PIK3AP1: variants seen among roughly 807,000 people sequenced by gnomAD.
PIK3AP1 encodes phosphoinositide 3-kinase adapter protein 1.
PIK3AP1 carries 21 observed loss-of-function variants against 88.1 expected under a neutral mutation model. The observed-to-expected ratio is 0.24, with a 90% CI of 0.17 to 0.34. PIK3AP1 has a LOEUF of 0.34. Ranked by LOEUF, PIK3AP1 falls within the 10% of genes least tolerant of loss-of-function variation. The pLI is 1.00. For missense variants in PIK3AP1, 828 were observed against 1,035.7 expected, an observed-to-expected ratio of 0.80 and a Z score of 2.75; for synonymous variants, 398 against 400.0, an observed-to-expected ratio of 1.00 and a Z score of 0.06.
At chr10:96,648,603 G>T in intron 7 of PIK3AP1, 56 bp downstream of exon 7, 2 of 1,520,388 alleles carry the variant, frequency 1.3e-6, no homozygotes, top group African/African-American at 1.4e-5. Context: ...TGAAAGGGCA[G>T]CCATACTACC....
At chr10:96,668,849 G>C (rs564836657) in intron 2 of PIK3AP1, among the ~76,000 whole-genome samples, 6 of 152,262 alleles carry the variant, frequency 3.9e-5, no homozygotes, top group African/African-American at 1.4e-4. Flanking sequence ...ACCACACGGG[G>C]CCAGGCGCAG....
intron 2 of PIK3AP1, among the ~76,000 whole-genome samples, chr10:96,662,513 G>T (rs1472628134): frequency 6.6e-6 from 1 of 151,784 alleles, no homozygotes; most frequent in African/African-American, 2.4e-5. Context: ...TGAGGCAGGA[G>T]AATTGCTTGA....
chr10:96,704,604 T>C (rs1844338815), intron 2 of PIK3AP1, among the ~76,000 whole-genome samples: 1 of 151,530 alleles, frequency 6.6e-6, no homozygotes, highest in East Asian at 1.9e-4. Flanking sequence ...TGTAATTCCA[T>C]CTACTTGGGA....
At chr10:96,687,161 CAGG>C (rs1844080464) in intron 2 of PIK3AP1, among the ~76,000 whole-genome samples, 1 of 142,742 alleles carries the variant, frequency 7.0e-6, no homozygotes, top group Admixed American at 7.8e-5. Context: ...GAGGCTGAGG[CAGG>C]AGAATAGTGT....
intron 2 of PIK3AP1, among the ~76,000 whole-genome samples, chr10:96,697,444 G>C (rs1444171296): frequency 6.6e-6 from 1 of 152,190 alleles, no homozygotes; most frequent in African/African-American, 2.4e-5. Flanking sequence ...AGTAAAACAG[G>C]CTGGGTGTGG....
At chr10:96,663,008 T>C (rs1843713967) in intron 2 of PIK3AP1, among the ~76,000 whole-genome samples, 2 of 151,658 alleles carry the variant, frequency 1.3e-5, no homozygotes, top group African/African-American at 4.9e-5. Flanking sequence ...GCATGAATCT[T>C]GAAAACATTA....
intron 2 of PIK3AP1, among the ~76,000 whole-genome samples, chr10:96,685,492 G>C (rs1318181053): frequency 6.6e-6 from 1 of 152,208 alleles, no homozygotes; most frequent in African/African-American, 2.4e-5. Context: ...ACAAGCCGTG[G>C]GTGAGGAAGG....
chr10:96,719,202 T>G (rs1844540965), intron 1 of PIK3AP1, among the ~76,000 whole-genome samples: 1 of 152,196 alleles, frequency 6.6e-6, no homozygotes, highest in African/African-American at 2.4e-5. Flanking sequence ...TCCCCTTTAA[T>G]GAGCCTGTAG....
Position 96,616,572 on chromosome 10 carries a change from A to G in PIK3AP1, c.2014+67T>C, listed in dbSNP as rs945760012. ...TCTGCCCACTCAGGCCACAGCCAAAAGGAGAGTCAAGGACAACAGATGACA... is the reference window on the plus strand; with the variant it reads ...TCTGCCCACTCAGGCCACAGCCAAAGGGAGAGTCAAGGACAACAGATGACA... On this transcript the variant is annotated intron_variant, in intron 13 of 16. Transcript: ENST00000339364. 16 of 1,549,996 alleles carry G rather than the reference A, an allele frequency of 1.0e-5. No homozygotes were observed. In the African/African-American group the frequency reaches 1.4e-4, roughly 13 times the overall value.
Position 96,626,709 on chromosome 10 carries a change from T to C in PIK3AP1, c.1668A>G (p.Lys556=). 1.2e-6 allele frequency: 2 copies of C among 1,613,812 alleles called. No individual in the cohort carries two copies. Among genetic ancestry groups the C allele is most frequent in the South Asian group, 2.2e-5 (2 of 91,086 alleles). ...QLPDNEPYIF[K]VFAEKSQERP... is the part of the protein sequence containing the mutation. ...GACATCATTCCCTGCCATACTTGCC[T>C]TTAAAAATGTATGGTTCGTTGTCAG... The change falls in exon 10 of 17, where the codon AAA becomes AAG. Residue 556 remains lysine (K), a splice_region_variant and synonymous_variant. Coordinates refer to ENST00000339364, the MANE Select transcript of PIK3AP1 (RefSeq NM_152309.3).
intron 8 of PIK3AP1, chr10:96,633,108 C>G: frequency 6.6e-7 from 1 of 1,522,442 alleles, no homozygotes; most frequent in Non-Finnish European, 8.8e-7. Flanking sequence ...GCGGAGCTTC[C>G]AGGGTCACCA....
chr10:96,668,664 G>C (rs1317396786), intron 2 of PIK3AP1, among the ~76,000 whole-genome samples: 2 of 152,188 alleles, frequency 1.3e-5, no homozygotes, highest in Admixed American at 1.3e-4. Context: ...ACAAAGTAGG[G>C]GGGTATCGTG....
At chr10:96,682,041 A>AG (rs1327852021) in intron 2 of PIK3AP1, among the ~76,000 whole-genome samples, 45 of 151,460 alleles carry the variant, frequency 3.0e-4, no homozygotes, top group African/African-American at 5.1e-4. Context: ...GAGAGAAACA[A>AG]GGGGGGGATG....
intron 2 of PIK3AP1, chr10:96,701,021 A>C: frequency 3.4e-6 from 1 of 296,840 alleles, no homozygotes; most frequent in Non-Finnish European, 5.0e-6. Flanking sequence ...CCGAAAGACA[A>C]GACACCAGGC....
intron 1 of PIK3AP1, among the ~76,000 whole-genome samples, chr10:96,710,263 C>T (rs1844422717): frequency 6.6e-6 from 1 of 152,078 alleles, no homozygotes; most frequent in Non-Finnish European, 1.5e-5. Flanking sequence ...CGCTCTATCA[C>T]CCAGGCTGGA....
At chr10:96,650,348 C>T (rs539463981) in intron 6 of PIK3AP1, among the ~76,000 whole-genome samples, 5 of 152,290 alleles carry the variant, frequency 3.3e-5, no homozygotes, top group South Asian at 4.1e-4. Flanking sequence ...CATGAAGGAA[C>T]GGTGGTGTCC....
intron 2 of PIK3AP1, chr10:96,700,832 C>G (rs1032330251): frequency 1.0e-6 from 1 of 985,494 alleles, no homozygotes; most frequent in Non-Finnish European, 1.2e-6. Context: ...CCGAGCAGAG[C>G]GCAGCAACTT....
intron 1 of PIK3AP1, among the ~76,000 whole-genome samples, chr10:96,719,013 T>C (rs1351187524): frequency 1.3e-5 from 2 of 152,180 alleles, no homozygotes; most frequent in East Asian, 3.8e-4. Context: ...TTGAAAATCC[T>C]AACCCCAGTC....
chr10:96,629,798 C>G (rs977847405), intron 8 of PIK3AP1, among the ~76,000 whole-genome samples: 9 of 142,286 alleles, frequency 6.3e-5, no homozygotes, highest in Admixed American at 5.8e-4. Flanking sequence ...GGATGCAGAA[C>G]TGGGAGGATT....
Sources: gnomAD v4.1 joint callset for allele counts (sites outside exome capture counted in the v4.1 genomes callset) on GRCh38, gnomAD v4.1.1 for gene constraint, MANE v1.5 for transcripts, NCBI Gene and HGNC (gene_info 2026-07-23, HGNC 2026-07-21) for gene names.